Variants in CMIP observed in about 807,000 individuals in gnomAD.
CMIP encodes the protein c-Maf inducing protein, also known as C-Maf-inducing protein.
In CMIP, 13 loss-of-function variants were observed where a neutral mutation model predicts 97.3. The ratio of observed to expected loss-of-function variants is 0.13; its 90% CI spans 0.09 to 0.21. The LOEUF (loss-of-function observed/expected upper bound fraction) is 0.21. Ranked by LOEUF, CMIP falls within the 10% of genes least tolerant of loss-of-function variation. The pLI is 1.00. For synonymous variants in CMIP, 538 were observed against 436.3 expected, an observed-to-expected ratio of 1.23 and a Z score of -2.91; for missense variants, 847 against 1,024.9, an observed-to-expected ratio of 0.83 and a Z score of 2.37.
intron 1 of CMIP, among the ~76,000 whole-genome samples, chr16:81,584,730 A>C (rs1023455154): frequency 1.3e-5 from 2 of 152,324 alleles, no homozygotes; most frequent in African/African-American, 4.8e-5. Context: ...GTGAGATGCC[A>C]GGAAATGACT....
intron 1 of CMIP, among the ~76,000 whole-genome samples, chr16:81,562,274 C>T (rs567256171): frequency 1.6e-4 from 24 of 152,336 alleles, no homozygotes; most frequent in African/African-American, 5.1e-4. Flanking sequence ...ACTGAGGCTC[C>T]GCAGAGGTCC....
At position 81,637,695 on chromosome 16, in the gene CMIP, G is replaced by C. The variant is rs367582379; in HGVS notation, c.478-14508G>C. Among the ~76,000 whole-genome samples, 21 of 152,286 alleles carry C rather than the reference G, an allele frequency of 1.4e-4. No homozygotes were observed. In the East Asian group the frequency reaches 3.5e-3, roughly 25 times the overall value. ...CCTCTGAGCTCCCAGGAGTGTGCAG[G>C]CTGGTGGGGGAGGCAGCTGGCCCAT... is the stretch of plus-strand genomic sequence containing the variant. On this transcript the variant is annotated intron_variant, in intron 3 of 20. Transcript: ENST00000537098.
intron 2 of CMIP, 142 bp from the exon 3 acceptor site, chr16:81,620,734 A>T (rs1172483748): frequency 5.3e-6 from 5 of 939,758 alleles, no homozygotes; most frequent in Middle Eastern, 3.3e-4. Context: ...TCAGCTTAGC[A>T]TATCTTTCAG....
intron 5 of CMIP, among the ~76,000 whole-genome samples, chr16:81,658,314 A>T (rs1333129432): frequency 1.3e-5 from 2 of 152,252 alleles, no homozygotes; most frequent in East Asian, 1.9e-4. Context: ...AATGACTTTT[A>T]GCTACGAAAC....
rs1331565180 is a variant in CMIP at position 81,477,847 on chromosome 16, G to T, written c.300+32306G>T. Among the ~76,000 whole-genome samples the T allele has an allele frequency of 3.3e-5, 5 of 152,318 alleles. No individual in the cohort carries two copies. The East Asian group carries it at 9.6e-4, about 29-fold the overall frequency. Reference sequence around the variant, plus strand: ...CTGCCTTCCAGTTAGTGGGAAATGGGATCTTACCATTTCGTTTGCATTCCA... The same window carrying T: ...CTGCCTTCCAGTTAGTGGGAAATGGTATCTTACCATTTCGTTTGCATTCCA... On this transcript the variant is annotated intron_variant, in intron 1 of 20. Coordinates refer to ENST00000537098, the MANE Select transcript of CMIP (RefSeq NM_198390.3).
At chr16:81,664,053 C>T (rs1301243527) in intron 6 of CMIP, among the ~76,000 whole-genome samples, 1 of 152,128 alleles carries the variant, frequency 6.6e-6, no homozygotes, top group Admixed American at 6.5e-5. Flanking sequence ...CAGGGGGTAT[C>T]TGGGAAAGGT....
intron 3 of CMIP, among the ~76,000 whole-genome samples, chr16:81,644,266 A>G (rs1174864298): frequency 1.3e-5 from 2 of 152,204 alleles, no homozygotes; most frequent in African/African-American, 4.8e-5. Flanking sequence ...ATGTGCACAG[A>G]TAATCGGGAC....
intron 3 of CMIP, chr16:81,622,318 A>G (rs537689067): frequency 6.6e-6 from 1 of 152,176 alleles, no homozygotes; most frequent in Non-Finnish European, 1.5e-5. Context: ...GGTGGTGCAC[A>G]CCTGCTCGTG....
chr16:81,688,277 G>A (rs1220375580), intron 10 of CMIP, among the ~76,000 whole-genome samples: 1 of 152,208 alleles, frequency 6.6e-6, no homozygotes, highest in African/African-American at 2.4e-5. Flanking sequence ...TTCATGAAAG[G>A]GTTAAGTGAA....
rs528689399 is a variant in CMIP at position 81,690,199 on chromosome 16, T to C, written c.1389-1576T>C. Among the ~76,000 whole-genome samples, 21 of 152,336 alleles carry C rather than the reference T, an allele frequency of 1.4e-4. No individual in the cohort carries two copies. The East Asian group carries it at 3.7e-3, about 27-fold the overall frequency. ...TTTTCCAATTCTGTGAAGAAAGTCA[T>C]TGGTAGGTTGATGGGGATGGCATTG... On this transcript the variant is annotated intron_variant, in intron 10 of 20. Coordinates refer to ENST00000537098, the MANE Select transcript of CMIP (RefSeq NM_198390.3).
At chr16:81,497,870 C>T (rs1391413845) in intron 1 of CMIP, among the ~76,000 whole-genome samples, 3 of 152,264 alleles carry the variant, frequency 2.0e-5, no homozygotes, top group Admixed American at 2.0e-4. Context: ...GCGTGGGCTC[C>T]TGGGTCCCCT....
intron 1 of CMIP, among the ~76,000 whole-genome samples, chr16:81,450,774 T>C (rs972463032): frequency 1.3e-5 from 2 of 152,180 alleles, no homozygotes; most frequent in Non-Finnish European, 2.9e-5. Context: ...ATTACAAAAA[T>C]TGAAATACTC....
chr16:81,456,199 C>G (rs1355083792), intron 1 of CMIP, among the ~76,000 whole-genome samples: 1 of 152,234 alleles, frequency 6.6e-6, no homozygotes, highest in Non-Finnish European at 1.5e-5. Flanking sequence ...AGACAGAGCC[C>G]AGAGCCAGAT....
chr16:81,499,378 C>T (rs138834250), intron 1 of CMIP, among the ~76,000 whole-genome samples: 33 of 152,344 alleles, frequency 2.2e-4, no homozygotes, highest in Admixed American at 3.9e-4. Context: ...CCCCAAGCCT[C>T]GCCCCAATCT....
intron 1 of CMIP, chr16:81,476,461 A>G: frequency 1.2e-6 from 1 of 846,790 alleles, no homozygotes; most frequent in Admixed American, 1.8e-5. Context: ...CTCGAAGGAG[A>G]TGCGGCCCAA....
intron 1 of CMIP, among the ~76,000 whole-genome samples, chr16:81,460,913 C>T (rs1906860076): frequency 6.6e-6 from 1 of 152,132 alleles, no homozygotes; most frequent in South Asian, 2.1e-4. Flanking sequence ...AACTTTGATG[C>T]CCTGTTGTAT....
intron 9 of CMIP, among the ~76,000 whole-genome samples, chr16:81,675,258 C>T (rs1317984681): frequency 2.0e-5 from 3 of 152,072 alleles, no homozygotes; most frequent in Non-Finnish European, 2.9e-5. Context: ...AGCTGGAGTG[C>T]GGTGGCGCAA....
At chr16:81,469,043 C>T (rs1041884862) in intron 1 of CMIP, among the ~76,000 whole-genome samples, 2 of 152,198 alleles carry the variant, frequency 1.3e-5, no homozygotes, top group African/African-American at 4.8e-5. Context: ...TTCTTTGCCC[C>T]GATTTGGATC....
chr16:81,669,208 C>T (rs1414919390), intron 7 of CMIP, among the ~76,000 whole-genome samples: 3 of 137,468 alleles, frequency 2.2e-5, no homozygotes, highest in Non-Finnish European at 4.7e-5. Context: ...ACCCATCTCT[C>T]ACACTCACCT....
Sources: gnomAD v4.1 joint callset for allele counts (sites outside exome capture counted in the v4.1 genomes callset) on GRCh38, gnomAD v4.1.1 for gene constraint, MANE v1.5 for transcripts, NCBI Gene and HGNC (gene_info 2026-07-23, HGNC 2026-07-21) for gene names.